Variants in SEC24C observed in about 807,000 individuals in gnomAD.
The protein encoded by SEC24C is protein transport protein Sec24C.
Under a neutral mutation model 117.0 loss-of-function variants are expected in SEC24C, and 22 were observed. The ratio of observed to expected loss-of-function variants is 0.19; its 90% CI spans 0.13 to 0.27. The LOEUF (loss-of-function observed/expected upper bound fraction) is 0.27. Among genes scored for constraint, SEC24C ranks in the 10% least tolerant of loss-of-function variants. SEC24C has a pLI of 1.00. For synonymous variants in SEC24C, 506 were observed against 529.4 expected, an observed-to-expected ratio of 0.96 and a Z score of 0.61; for missense variants, 1,155 against 1,375.1, an observed-to-expected ratio of 0.84 and a Z score of 2.53.
rs200348516 is a variant in SEC24C, at chr10:73,770,291, C to T, written c.2874C>T (p.Pro958=). The stretch of plus-strand genomic sequence containing the variant: ...TTCCTTTTGTCTAGACAAAGTCTCC[C>T]GTTGAGAGTACTACCGAACCACCAG... ...YPRLLPLTKS[P]VESTTEPPAV... Residue 958 remains proline (P), a synonymous_variant, in exon 21 of 23, where the codon CCC becomes CCT. Coordinates refer to ENST00000345254, the MANE Select transcript of SEC24C (RefSeq NM_198597.3). 1.1e-4 allele frequency: 184 copies of T among 1,606,772 alleles called. No individual in the cohort carries two copies. The Middle Eastern group carries it at 1.3e-3, about 12-fold the overall frequency.
At position 73,766,803 on chromosome 10, in the gene SEC24C, A is replaced by G; in HGVS notation, c.1843A>G (p.Thr615Ala). 1 of 1,614,192 alleles carries G rather than the reference A, an allele frequency of 6.2e-7. No individual in the cohort carries two copies. The highest frequency in any genetic ancestry group is 8.5e-7 in the Non-Finnish European group (1 of 1,180,036). ...IPEMFADTRETETVFVPVIQA... is the reference protein window; with the variant it reads ...IPEMFADTREAETVFVPVIQA... ...AGAAATGTTTGCAGACACAAGGGAA[A>G]CAGAGACAGTATTTGTACCAGTTAT... Residue 615 changes from threonine (T) to alanine (A), a missense_variant, in exon 13 of 23, where the codon ACA becomes GCA. By Grantham distance (58) the Thr-to-Ala change is moderately conservative (BLOSUM62 0). This residue lies in a region of SEC24C where 759 missense variants were observed against 992.3 expected (regional missense o/e 0.76). Coordinates refer to ENST00000345254, the MANE Select transcript of SEC24C (RefSeq NM_198597.3).
rs1048011955 is a variant in SEC24C, at chr10:73,770,998, A to G, written c.3188A>G (p.Lys1063Arg). 1 of 1,614,238 alleles carries G rather than the reference A, an allele frequency of 6.2e-7. No homozygotes were observed. Among genetic ancestry groups the G allele is most frequent in the Non-Finnish European group, 8.5e-7 (1 of 1,180,044 alleles). Residue 1063 changes from lysine to arginine, a missense_variant, in exon 23 of 23, where the codon AAG becomes AGG. This residue lies in a region of SEC24C where 759 missense variants were observed against 992.3 expected (regional missense o/e 0.76). Coordinates refer to ENST00000345254, the MANE Select transcript of SEC24C (RefSeq NM_198597.3). ...KQEDKMEMLF[K>R]HFLVEDKSLS... ...GAAGACAAGATGGAGATGCTGTTCAAGCACTTCCTGGTGGAAGACAAGAGT... is the reference window on the plus strand; with the variant it reads ...GAAGACAAGATGGAGATGCTGTTCAGGCACTTCCTGGTGGAAGACAAGAGT...
intron 16 of SEC24C, 38 bp downstream of exon 16, chr10:73,768,944 A>T: frequency 6.2e-7 from 1 of 1,614,142 alleles, no homozygotes. Context: ...GGGGCTAAAT[A>T]TGGAAGGGAG....
chr10:73,762,248 C>A, intron 6 of SEC24C: 2 of 914,604 alleles, frequency 2.2e-6, no homozygotes, highest in Non-Finnish European at 3.1e-6. Flanking sequence ...ATCTTCACCT[C>A]ATCTACCATG....
In SEC24C at chr10:73,770,025, A is replaced by T. The variant is rs2082948828; in HGVS notation, c.2862+10A>T. The T allele has an allele frequency of 1.2e-6, 2 of 1,613,476 alleles. No homozygotes were observed. The highest frequency in any genetic ancestry group is 1.7e-6 in the Non-Finnish European group (2 of 1,179,562). ...TCGGCTCTTACCTTTGGTGCGATTG[A>T]GGGTTGGAGTATGAGATCTTGCACG... On this transcript the variant is annotated intron_variant, in intron 20 of 22. Coordinates refer to ENST00000345254, the MANE Select transcript of SEC24C (RefSeq NM_198597.3).
chr10:73,750,654 A>G (rs2082630043), intron 2 of SEC24C, among the ~76,000 whole-genome samples: 1 of 152,222 alleles, frequency 6.6e-6, no homozygotes, highest in South Asian at 2.1e-4. Flanking sequence ...TGGCAGAATA[A>G]TCTCCCCAAG....
At chr10:73,745,651 C>G (rs768115321) in intron 1 of SEC24C, among the ~76,000 whole-genome samples, 17 of 151,618 alleles carry the variant, frequency 1.1e-4, no homozygotes, top group Non-Finnish European at 2.2e-4. Flanking sequence ...CGGGTTCAAG[C>G]GATTTCTCCT....
chr10:73,770,211 T>C (rs2082952791), intron 20 of SEC24C, 69 bp from the exon 21 acceptor site: 1 of 1,452,580 alleles, frequency 6.9e-7, no homozygotes, highest in Non-Finnish European at 9.3e-7. Flanking sequence ...CAAAATTTTG[T>C]GTGTGGTGCG....
Position 73,771,664 on chromosome 10 carries a change from T to C in SEC24C, c.*569T>C, listed in dbSNP as rs967109572. 2 of 154,148 alleles carry C rather than the reference T, an allele frequency of 1.3e-5. No homozygotes were observed. The highest frequency in any genetic ancestry group is 4.8e-5 in the African/African-American group (2 of 41,428). The allele number at this position is 154,148 out of a possible 1,614,324, so 9.5% of individuals were successfully genotyped here. A position where few individuals can be genotyped will look rare whatever the true frequency, so the allele number is the denominator to read the frequency against. ...GCTCGCTCTCTCCTGCAATGATTGA[T>C]GATCACTCCGTGGATAGAGAGGCAC... On this transcript the variant is annotated 3_prime_UTR_variant, in exon 23 of 23. Transcript: ENST00000345254.
intron 6 of SEC24C, among the ~76,000 whole-genome samples, chr10:73,763,104 G>T (rs538468954): frequency 1.3e-5 from 2 of 152,152 alleles, no homozygotes; most frequent in Non-Finnish European, 2.9e-5. Context: ...CTTGGGGAGA[G>T]GATCGGGGAA....
chr10:73,771,185 T>A lies in SEC24C; in HGVS notation c.*90T>A, dbSNP rs1565052135. 2 of 1,447,446 alleles carry A rather than the reference T, an allele frequency of 1.4e-6. No individual in the cohort carries two copies. The highest frequency in any genetic ancestry group is 1.9e-6 in the Non-Finnish European group (2 of 1,061,258). The allele number at this position is 1,447,446 out of a possible 1,614,324, so 89.7% of individuals were successfully genotyped here. A position where few individuals can be genotyped will look rare whatever the true frequency, so the allele number is the denominator to read the frequency against. ...AATTGGGACAGTAACATATCTTATG[T>A]AAGCTGACCTCAGTCTCTCTGGGGG... On this transcript the variant is annotated 3_prime_UTR_variant, in exon 23 of 23. Coordinates refer to ENST00000345254, the MANE Select transcript of SEC24C (RefSeq NM_198597.3).
chr10:73,763,999 G>A lies in SEC24C; in HGVS notation c.1227+16G>A, dbSNP rs2082840989. The A allele has an allele frequency of 6.4e-7, 1 of 1,565,412 alleles. No homozygotes were observed. The highest frequency in any genetic ancestry group is 1.4e-5 in the African/African-American group (1 of 73,792). On this transcript the variant is annotated intron_variant, in intron 8 of 22. Coordinates refer to ENST00000345254, the MANE Select transcript of SEC24C (RefSeq NM_198597.3). The stretch of plus-strand genomic sequence containing the variant: ...CCCAGAGGAGGTGAGTCAGGGAAGG[G>A]GCTAGAGTGTAATGAAAGGGAGGGA...
intron 2 of SEC24C, among the ~76,000 whole-genome samples, chr10:73,748,468 T>C (rs1258619279): frequency 6.9e-6 from 1 of 145,360 alleles, no homozygotes; most frequent in African/African-American, 2.6e-5. Context: ...GGAATTTTGC[T>C]CTTGTTACCC....
chr10:73,758,516 A>G (rs1440997325), intron 3 of SEC24C, among the ~76,000 whole-genome samples: 2 of 152,194 alleles, frequency 1.3e-5, no homozygotes, highest in African/African-American at 4.8e-5. Context: ...CATCATCTGA[A>G]GAAGAAATAC....
At position 73,768,902 on chromosome 10, in the gene SEC24C, C is replaced by T; in HGVS notation, c.2274C>T (p.Ser758=). The change falls in exon 16 of 23, where the codon AGC becomes AGT. Residue 758 remains serine (S), a synonymous_variant. Transcript: ENST00000345254. ...ATGCTGTGATGCGGGTCCGGACAAG[C>T]ACTGGTCAGTCCTGATTGAAGAGCA... is the stretch of plus-strand genomic sequence containing the variant. ...GFDAVMRVRT[S]TGIRAVDFFG... The T allele has an allele frequency of 6.2e-7, 1 of 1,614,188 alleles. No individual in the cohort carries two copies.
chr10:73,745,438 C>T (rs1167698774), intron 1 of SEC24C, among the ~76,000 whole-genome samples: 1 of 151,784 alleles, frequency 6.6e-6, no homozygotes, highest in African/African-American at 2.4e-5. Flanking sequence ...AAATCTAACT[C>T]TAACTTTGCC....
intron 8 of SEC24C, among the ~76,000 whole-genome samples, chr10:73,765,214 AGT>A (rs2082862934): frequency 3.3e-5 from 5 of 152,166 alleles, no homozygotes; most frequent in African/African-American, 1.2e-4. Flanking sequence ...CTTCTCTTTC[AGT>A]GAGAAATGCA....
rs1314480182 is a variant in SEC24C at position 73,760,793 on chromosome 10, G to A, written c.931G>A (p.Gly311Arg). Residue 311 changes from glycine (G) to arginine (R), a missense_variant, in exon 6 of 23, where the codon GGG becomes AGG. Coordinates refer to ENST00000345254, the MANE Select transcript of SEC24C (RefSeq NM_198597.3). The stretch of plus-strand genomic sequence containing the variant: ...AGCACCCACCTTTGGCAGTCAGCCT[G>A]GGCCTCCTCAGCCACTGCCTCCTAA... Reference protein sequence around the residue: ...PAAPTFGSQPGPPQPLPPKRL... With the variant: ...PAAPTFGSQPRPPQPLPPKRL... 1.2e-6 allele frequency: 2 copies of A among 1,614,160 alleles called. No individual in the cohort carries two copies. The highest frequency in any genetic ancestry group is 3.3e-5 in the Admixed American group (2 of 60,008).
chr10:73,755,855 CT>C (rs977005770), intron 3 of SEC24C, among the ~76,000 whole-genome samples: 444 of 142,612 alleles, frequency 3.1e-3, no homozygotes, highest in Middle Eastern at 3.6e-3. Flanking sequence ...GACTGAAAAT[CT>C]TTTTTTTTTT....
Sources: allele counts gnomAD v4.1 joint callset (sites outside exome capture counted in the v4.1 genomes callset), GRCh38; gene constraint gnomAD v4.1.1; regional missense constraint gnomAD v4.1.1; transcripts MANE v1.5; gene names NCBI Gene and HGNC (gene_info 2026-07-23, HGNC 2026-07-21).